PIK3C2G: variants seen among roughly 807,000 people sequenced by gnomAD.
PIK3C2G encodes phosphatidylinositol-4-phosphate 3-kinase catalytic subunit type 2 gamma.
Under a neutral mutation model 181.1 loss-of-function variants are expected in PIK3C2G, and 168 were observed. The observed-to-expected ratio is 0.93, with a 90% CI of 0.82 to 1.05. PIK3C2G has a LOEUF of 1.05. Among genes scored for constraint, PIK3C2G ranks in the 50% least tolerant of loss-of-function variants. The pLI is 0.00. For synonymous variants in PIK3C2G, 573 were observed against 592.2 expected, an observed-to-expected ratio of 0.97 and a Z score of 0.47; for missense variants, 1,869 against 1,732.8, an observed-to-expected ratio of 1.08 and a Z score of -1.40.
intron 12 of PIK3C2G, among the ~76,000 whole-genome samples, chr12:18,367,297 T>A (rs946335559): frequency 5.9e-5 from 9 of 152,150 alleles, no homozygotes; most frequent in Non-Finnish European, 8.8e-5. Flanking sequence ...CCATACTACC[T>A]TAAATGAATA....
chr12:18,725,167 G>A, the PIK3C2G span, among the ~76,000 whole-genome samples: 1 of 152,140 alleles, frequency 6.6e-6, no homozygotes, highest in Non-Finnish European at 1.5e-5. Context: ...AGTGAGAGTT[G>A]TATCACTGAA....
intron 29 of PIK3C2G, among the ~76,000 whole-genome samples, chr12:18,571,745 T>C (rs1468397360): frequency 6.6e-6 from 1 of 150,854 alleles, no homozygotes; most frequent in Admixed American, 6.6e-5. Context: ...TTTTTCCATT[T>C]CAATGATCAC....
At chr12:18,435,630 A>G (rs1344405177) in intron 18 of PIK3C2G, among the ~76,000 whole-genome samples, 1 of 152,050 alleles carries the variant, frequency 6.6e-6, no homozygotes, top group African/African-American at 2.4e-5. Context: ...CACTCTGCCT[A>G]TCTCCCACCT....
intron 29 of PIK3C2G, among the ~76,000 whole-genome samples, chr12:18,581,011 C>T (rs1946471972): frequency 6.6e-6 from 1 of 152,078 alleles, no homozygotes; most frequent in Non-Finnish European, 1.5e-5. Flanking sequence ...TACTTCTGGC[C>T]TTTGCAAGTA....
At chr12:18,276,812 G>A (rs1949005561) in intron 1 of PIK3C2G, among the ~76,000 whole-genome samples, 1 of 152,040 alleles carries the variant, frequency 6.6e-6, no homozygotes, top group South Asian at 2.1e-4. Flanking sequence ...ATGAGTAATA[G>A]GTGTGTGAAT....
intron 11 of PIK3C2G, chr12:18,358,391 T>G (rs2137765476): frequency 6.0e-6 from 1 of 165,838 alleles, no homozygotes; most frequent in East Asian, 1.7e-4. Context: ...TTTATGATCA[T>G]CACATTGGAT....
chr12:18,276,372 T>C (rs548980135), intron 1 of PIK3C2G, among the ~76,000 whole-genome samples: 1 of 152,334 alleles, frequency 6.6e-6, no homozygotes, highest in African/African-American at 2.4e-5. Flanking sequence ...CTCAGAGGCA[T>C]TGAATGAATT....
chr12:18,440,966 G>A (rs1328102627), intron 18 of PIK3C2G, among the ~76,000 whole-genome samples: 2 of 152,056 alleles, frequency 1.3e-5, no homozygotes, highest in Admixed American at 1.3e-4. Flanking sequence ...GAAGGTCATA[G>A]GAGAATGAAT....
At chr12:18,263,587 T>C (rs191247798) in intron 1 of PIK3C2G, among the ~76,000 whole-genome samples, 5 of 152,302 alleles carry the variant, frequency 3.3e-5, no homozygotes, top group African/African-American at 1.2e-4. Flanking sequence ...TTTTTAAGTA[T>C]AAATCTGTGA....
intron 29 of PIK3C2G, among the ~76,000 whole-genome samples, chr12:18,571,008 C>A (rs1565519729): frequency 6.6e-6 from 1 of 150,778 alleles, no homozygotes; most frequent in Non-Finnish European, 1.5e-5. Context: ...ATCTAACTTA[C>A]ACATTTAAAA....
the PIK3C2G span, among the ~76,000 whole-genome samples, chr12:18,708,514 G>T: frequency 6.6e-5 from 10 of 152,018 alleles, no homozygotes; most frequent in Non-Finnish European, 1.2e-4. Flanking sequence ...ATTCCCTTTG[G>T]GTATGTACCC....
intron 12 of PIK3C2G, among the ~76,000 whole-genome samples, chr12:18,365,481 A>C (rs1387272528): frequency 6.6e-6 from 1 of 152,080 alleles, no homozygotes; most frequent in East Asian, 1.9e-4. Context: ...GACTGAATCC[A>C]ATGTTTGTTT....
At chr12:18,304,604 A>G (rs991699381) in intron 5 of PIK3C2G, among the ~76,000 whole-genome samples, 4 of 152,246 alleles carry the variant, frequency 2.6e-5, no homozygotes, top group African/African-American at 9.6e-5. Flanking sequence ...AAATTGAAAT[A>G]GTCTTGTACT....
At chr12:18,315,936 A>G (rs1237555190) in intron 6 of PIK3C2G, among the ~76,000 whole-genome samples, 1 of 151,378 alleles carries the variant, frequency 6.6e-6, no homozygotes, top group Non-Finnish European at 1.5e-5. Flanking sequence ...TTTTTTCCAC[A>G]GCAATATCCA....
rs190710202 is a variant in PIK3C2G, at chr12:18,580,873, A to T, written c.4012-13621A>T. Among the ~76,000 whole-genome samples, 26 of 152,330 alleles carry T rather than the reference A, an allele frequency of 1.7e-4. No homozygotes were observed. The East Asian group carries it at 5.0e-3, about 29-fold the overall frequency. ...TGTTTGAGAGAGACAGATTTAGCTT[A>T]TTGTTTTAACTCACTAAAGCTAAAT... On this transcript the variant is annotated intron_variant, in intron 29 of 32. Transcript: ENST00000538779.
At position 18,582,829 on chromosome 12, in the gene PIK3C2G, C is replaced by T. The variant is rs113653861; in HGVS notation, c.4012-11665C>T. Among the ~76,000 whole-genome samples the T allele has an allele frequency of 6.4e-4, 98 of 152,086 alleles. 1 individual carries two copies. Among genetic ancestry groups the T allele is most frequent in the African/African-American group, 1.8e-3 (73 of 41,486 alleles). On this transcript the variant is annotated intron_variant, in intron 29 of 32. Transcript: ENST00000538779. ...CTGCTTTTCTTTTTTATGTGGGACC[C>T]TGACCCCTCTTCTCCTCACTGGGCA... is the stretch of plus-strand genomic sequence containing the variant.
chr12:18,268,560 C>T (rs1948609139), intron 1 of PIK3C2G, among the ~76,000 whole-genome samples: 1 of 152,146 alleles, frequency 6.6e-6, no homozygotes, highest in Non-Finnish European at 1.5e-5. Context: ...CCTTCCCATA[C>T]TAATTCATTT....
chr12:18,693,465 C>G, the PIK3C2G span: 3 of 1,606,726 alleles, frequency 1.9e-6, no homozygotes, highest in African/African-American at 4.0e-5. Context: ...CCACCTGGCA[C>G]AGGTAAAACC....
In PIK3C2G at chr12:18,291,008, A is replaced by C; in HGVS notation, c.915A>C (p.Pro305=). ...DNSTQPLHFM[P]CANYLVKDLI... is the part of the protein sequence containing the mutation. ...CAACACAACCTCTTCATTTTATGCC[A>C]TGTGGTAAGCAACCTTGCAAATAAG... Residue 305 remains proline (P), a synonymous_variant, in exon 4 of 33, where the codon CCA becomes CCC. Transcript: ENST00000538779. 6.3e-7 allele frequency: 1 copy of C among 1,594,910 alleles called. No homozygotes were observed. The highest frequency in any genetic ancestry group is 1.1e-5 in the South Asian group (1 of 89,900).
Sources: allele counts gnomAD v4.1 joint callset (sites outside exome capture counted in the v4.1 genomes callset), GRCh38; gene constraint gnomAD v4.1.1; transcripts MANE v1.5; gene names NCBI Gene and HGNC (gene_info 2026-07-23, HGNC 2026-07-21).